YWHAZ: variants seen among roughly 807,000 people sequenced by gnomAD.
YWHAZ encodes the protein tyrosine 3-monooxygenase/tryptophan 5-monooxygenase activation protein zeta, also known as 14-3-3 protein zeta/delta.
For missense variants in YWHAZ, 79 were observed against 284.8 expected (o/e 0.28, Z 5.20); for synonymous variants, 87 against 103.6 (o/e 0.84, Z 0.97).
upstream of YWHAZ, chr8:100,952,917 C>G: frequency 1.0e-6 from 1 of 1,000,422 alleles, no homozygotes; most frequent in Non-Finnish European, 1.2e-6. Context: ...CGTCCAGCCC[C>G]TGAGTGTGGC....
intron 1 of YWHAZ, among the ~76,000 whole-genome samples, chr8:100,949,898 A>G (rs1293360381): frequency 6.6e-6 from 1 of 152,236 alleles, no homozygotes; most frequent in Non-Finnish European, 1.5e-5. Context: ...GCCGAACAGC[A>G]CAAAGATACT....
intron 1 of YWHAZ, chr8:100,951,614 C>G: frequency 3.0e-6 from 3 of 985,102 alleles, no homozygotes; most frequent in South Asian, 9.4e-5. Flanking sequence ...CTTCGGGAGC[C>G]GGCGACAGGG....
Position 100,924,811 on chromosome 8 carries a change from C to CAA in YWHAZ, c.418+104_418+105insTT. The CAA allele has an allele frequency of 7.0e-7, 1 of 1,432,794 alleles. No homozygotes were observed. Among genetic ancestry groups the CAA allele is most frequent in the Non-Finnish European group, 9.5e-7 (1 of 1,050,622 alleles). 88.8% of individuals were successfully genotyped at this position (1,432,794 alleles called of 1,614,324 possible). ...ACAAAGAGCACTGCTACTCCTTATTCGGCACTCTAAGCAATTCAAAACAAG... is the reference window on the plus strand; with the variant it reads ...ACAAAGAGCACTGCTACTCCTTATTCAAGGCACTCTAAGCAATTCAAAACAAG... On this transcript the variant is annotated intron_variant, in intron 3 of 5. Coordinates refer to ENST00000395958, the MANE Select transcript of YWHAZ (RefSeq NM_145690.3). This position sits in a 1 kb window ranked among gnomAD's most constrained non-coding sequence, Gnocchi z 5.7.
Position 100,924,448 on chromosome 8 carries a change from TA to T in YWHAZ, c.419-151del. Reference sequence around the variant, plus strand: ...ATTGAACAAGGTCCTTTTTTTTTTTTAAAGGGAGCTTTCTCCTGGTACACAC... The same window carrying T: ...ATTGAACAAGGTCCTTTTTTTTTTTTAAGGGAGCTTTCTCCTGGTACACAC... On this transcript the variant is annotated intron_variant, in intron 3 of 5. Coordinates refer to ENST00000395958, the MANE Select transcript of YWHAZ (RefSeq NM_145690.3). This position sits in a 1 kb window ranked among gnomAD's most constrained non-coding sequence, Gnocchi z 5.7. 3.0e-5 allele frequency: 21 copies of T among 695,706 alleles called. No individual in the cohort carries two copies. The highest frequency in any genetic ancestry group is 3.6e-5 in the Admixed American group (1 of 28,012). 43.1% of individuals were successfully genotyped at this position (695,706 alleles called of 1,614,324 possible).
intron 2 of YWHAZ, among the ~76,000 whole-genome samples, chr8:100,947,268 AC>A (rs1313895666): frequency 2.0e-5 from 3 of 151,484 alleles, no homozygotes; most frequent in South Asian, 2.1e-4. Context: ...AAAAAAAAAA[AC>A]AAAAAACAAA....
upstream of YWHAZ, chr8:100,952,021 C>A: frequency 1.0e-6 from 1 of 995,780 alleles, no homozygotes; most frequent in Non-Finnish European, 1.2e-6. Context: ...AGACTCTGTC[C>A]CTGGATCTCG....
chr8:100,951,293 C>T (rs1810750472), intron 1 of YWHAZ: 2 of 984,646 alleles, frequency 2.0e-6, no homozygotes, highest in Non-Finnish European at 2.4e-6. Context: ...AGGCCTTTCC[C>T]TCGCGCTTGG....
intron 2 of YWHAZ, among the ~76,000 whole-genome samples, chr8:100,947,253 C>CAAA (rs1185334118): frequency 1.2e-5 from 1 of 83,730 alleles, no homozygotes; most frequent in African/African-American, 3.3e-5. Context: ...GACTCCGTCT[C>CAAA]AAAAAAAAAA....
intron 2 of YWHAZ, among the ~76,000 whole-genome samples, chr8:100,941,395 C>T (rs1809840633): frequency 6.6e-6 from 1 of 152,158 alleles, no homozygotes; most frequent in Non-Finnish European, 1.5e-5. Context: ...AGATGAGAAA[C>T]ATTCCGCATA....
intron 2 of YWHAZ, among the ~76,000 whole-genome samples, chr8:100,936,543 C>T (rs543463293): frequency 1.2e-3 from 179 of 152,240 alleles, no homozygotes; most frequent in African/African-American, 3.9e-3. Flanking sequence ...AGGCCGGGCA[C>T]GGTGGCTCAC....
rs993461323 is a variant in YWHAZ, at chr8:100,918,011, G to C, written c.*2682C>G. 2.6e-5 allele frequency: 4 copies of C among 151,912 alleles called. No individual in the cohort carries two copies. The highest frequency in any genetic ancestry group is 4.8e-5 in the African/African-American group (2 of 41,354). The allele number at this position is 151,912 out of a possible 1,614,324, so 9.4% of individuals were successfully genotyped here. On this transcript the variant is annotated 3_prime_UTR_variant, in exon 6 of 6. Transcript: ENST00000395958. The stretch of plus-strand genomic sequence containing the variant: ...CAGATGACTGATGCACATTAAATAG[G>C]CAAATGTGCCAAGTTTCAGGTTTTA...
upstream of YWHAZ, chr8:100,952,208 C>T: frequency 1.0e-6 from 1 of 972,006 alleles, no homozygotes; most frequent in South Asian, 4.8e-5. Context: ...CCTGCCCGCC[C>T]GCGCTGGAGG....
chr8:100,952,018 G>A lies in YWHAZ; in HGVS notation c.-101C>T. On this transcript the variant is annotated 5_prime_UTR_variant, in exon 1 of 6. Coordinates refer to ENST00000395958, the MANE Select transcript of YWHAZ (RefSeq NM_145690.3). ...GCAGCAGCGGCGAGGCTGAGACTCT[G>A]TCCCTGGATCTCGCTGCTCACAGGC... The A allele has an allele frequency of 1.0e-6, 1 of 997,258 alleles. No homozygotes were observed. The allele number at this position is 997,258 out of a possible 1,614,324, so 61.8% of individuals were successfully genotyped here. A position where few individuals can be genotyped will look rare whatever the true frequency, so the allele number is the denominator to read the frequency against.
At position 100,922,619 on chromosome 8, in the gene YWHAZ, G is replaced by A. The variant is rs56030287; in HGVS notation, c.678+1336C>T. The A allele has an allele frequency of 0.046, 6,947 of 152,182 alleles. 170 individuals carry two copies. The highest frequency in any genetic ancestry group is 0.057 in the Non-Finnish European group (3,901 of 68,022). The allele number at this position is 152,182 out of a possible 1,614,324, so 9.4% of individuals were successfully genotyped here. ...CAAGCTGTTCCTGAACTCCTGACCT[G>A]GTGATCCGCCCGCCTCGGCCTCCCA... On this transcript the variant is annotated intron_variant, in intron 5 of 5. Coordinates refer to ENST00000395958, the MANE Select transcript of YWHAZ (RefSeq NM_145690.3). This position sits in a 1 kb window ranked among gnomAD's most constrained non-coding sequence, Gnocchi z 4.1.
At chr8:100,927,926 T>C (rs1813475565) in intron 2 of YWHAZ, among the ~76,000 whole-genome samples, 1 of 152,300 alleles carries the variant, frequency 6.6e-6, no homozygotes, top group East Asian at 1.9e-4. Context: ...ACTGGCCTAA[T>C]GATAGACCAA....
intron 2 of YWHAZ, among the ~76,000 whole-genome samples, chr8:100,928,773 A>T (rs1170965618): frequency 6.6e-6 from 1 of 152,122 alleles, no homozygotes; most frequent in Non-Finnish European, 1.5e-5. Flanking sequence ...CTCAGCCTCA[A>T]TGGGGTGATA....
At position 100,925,057 on chromosome 8, in the gene YWHAZ, CA is replaced by C; in HGVS notation, c.295-19del. 6.2e-7 allele frequency: 1 copy of C among 1,608,038 alleles called. No individual in the cohort carries two copies. Among genetic ancestry groups the C allele is most frequent in the South Asian group, 1.1e-5 (1 of 90,208 alleles). ...AAAAGAGACTTAAGAAGAAAAGAAA[CA>C]GACATAGTGAGAATAAAACATTTAC... On this transcript the variant is annotated intron_variant, in intron 2 of 5. Transcript: ENST00000395958.
rs146117157 is a variant in YWHAZ at position 100,934,012 on chromosome 8, G to A, written c.295-8973C>T. The stretch of plus-strand genomic sequence containing the variant: ...TCTCTACTAAAAATACAAAAAATGA[G>A]GTGGGCATGGTGGTGCACACCTGTA... On this transcript the variant is annotated intron_variant, in intron 2 of 5. Coordinates refer to ENST00000395958, the MANE Select transcript of YWHAZ (RefSeq NM_145690.3). Among the ~76,000 whole-genome samples, 1,037 of 151,838 alleles carry A rather than the reference G, an allele frequency of 6.8e-3. 16 individuals carry two copies. The highest frequency in any genetic ancestry group is 0.024 in the African/African-American group (983 of 41,364).
At position 100,917,201 on chromosome 8, in the gene YWHAZ, T is replaced by C. The variant is rs1812741836; in HGVS notation, c.*3492A>G. On this transcript the variant is annotated 3_prime_UTR_variant, in exon 6 of 6. Transcript: ENST00000395958. ...ATGCATTGAGCCATGACAAGACTGG[T>C]GACTCTTTTGCAGGAAAAACATAAT... 1 of 152,212 alleles carries C rather than the reference T, an allele frequency of 6.6e-6. No individual in the cohort carries two copies. Among genetic ancestry groups the C allele is most frequent in the Non-Finnish European group, 1.5e-5 (1 of 68,052 alleles). 9.4% of individuals were successfully genotyped at this position (152,212 alleles called of 1,614,324 possible). A position where few individuals can be genotyped will look rare whatever the true frequency, so the allele number is the denominator to read the frequency against.
Sources: allele counts gnomAD v4.1 joint callset (sites outside exome capture counted in the v4.1 genomes callset), GRCh38; gene constraint gnomAD v4.1.1; non-coding constraint Gnocchi (gnomAD v3.1); transcripts MANE v1.5; gene names NCBI Gene and HGNC (gene_info 2026-07-23, HGNC 2026-07-21).